PKN2: variants seen among roughly 807,000 people sequenced by gnomAD.
PKN2 encodes the protein protein kinase N2, also known as serine/threonine-protein kinase N2.
Under a neutral mutation model 119.1 loss-of-function variants are expected in PKN2, and 38 were observed. That is an observed-to-expected ratio of 0.32 (90% CI 0.25 to 0.42). PKN2 has a LOEUF of 0.42. PKN2 is among the 10% of genes least tolerant of loss of function. PKN2 has a pLI of 1.00. For synonymous variants in PKN2, 390 were observed against 384.9 expected, an observed-to-expected ratio of 1.01 and a Z score of -0.15; for missense variants, 850 against 1,165.1, an observed-to-expected ratio of 0.73 and a Z score of 3.94.
intron 8 of PKN2, among the ~76,000 whole-genome samples, chr1:88,803,528 T>C (rs1024990828): frequency 2.0e-5 from 3 of 152,198 alleles, no homozygotes; most frequent in Non-Finnish European, 2.9e-5. Context: ...AAAATGTATA[T>C]ACGTTAAAAC....
At chr1:88,769,202 CT>C (rs1468191380) in intron 3 of PKN2, among the ~76,000 whole-genome samples, 1 of 151,978 alleles carries the variant, frequency 6.6e-6, no homozygotes, top group African/African-American at 2.4e-5. Context: ...TAATTCAGAG[CT>C]TTTTTTTGAA....
intron 18 of PKN2, among the ~76,000 whole-genome samples, chr1:88,824,809 GTAAA>G (rs1352844894): frequency 1.3e-5 from 2 of 152,194 alleles, no homozygotes; most frequent in African/African-American, 2.4e-5. Flanking sequence ...ATATTCAAAA[GTAAA>G]TAAGTAAATT....
intron 8 of PKN2, among the ~76,000 whole-genome samples, chr1:88,797,882 A>C (rs932579748): frequency 2.0e-5 from 3 of 152,136 alleles, no homozygotes; most frequent in Non-Finnish European, 4.4e-5. Context: ...TAATCCCAGC[A>C]CTTTGGGAGG....
chr1:88,782,517 T>A (rs1032943570), intron 6 of PKN2, among the ~76,000 whole-genome samples: 1 of 152,166 alleles, frequency 6.6e-6, no homozygotes, highest in African/African-American at 2.4e-5. Context: ...TATTCTCAAG[T>A]CTTTCTTTAG....
At position 88,833,025 on chromosome 1, in the gene PKN2, GA is replaced by G. The variant is rs2100940059; in HGVS notation, c.2671-50del. On this transcript the variant is annotated intron_variant, in intron 20 of 21. Transcript: ENST00000370521. ...TTTTAAAGTAATAATCCTTATCAGT[GA>G]ATTTTATTCTATTGGTTTTATTTTA... The G allele has an allele frequency of 1.4e-5, 21 of 1,480,218 alleles. No homozygotes were observed. In the South Asian group the frequency reaches 2.5e-4, roughly 18 times the overall value. The allele number at this position is 1,480,218 out of a possible 1,614,324, so 91.7% of individuals were successfully genotyped here. A position where few individuals can be genotyped will look rare whatever the true frequency, so the allele number is the denominator to read the frequency against.
chr1:88,756,489 A>G (rs1251128289), intron 2 of PKN2, among the ~76,000 whole-genome samples: 3 of 152,194 alleles, frequency 2.0e-5, no homozygotes, highest in Non-Finnish European at 2.9e-5. Context: ...GGAATCATTT[A>G]TCCTTCTCAT....
intron 4 of PKN2, among the ~76,000 whole-genome samples, chr1:88,770,842 C>T (rs971770335): frequency 6.6e-6 from 1 of 151,230 alleles, no homozygotes; most frequent in Non-Finnish European, 1.5e-5. Context: ...GCCTCGGCCC[C>T]CCAAAGTGCT....
intron 3 of PKN2, among the ~76,000 whole-genome samples, chr1:88,764,625 T>C (rs1215366991): frequency 6.6e-6 from 1 of 152,052 alleles, no homozygotes; most frequent in Non-Finnish European, 1.5e-5. Context: ...CTCTGGCCCA[T>C]AATTTACACA....
At chr1:88,793,908 G>T (rs1263348986) in intron 8 of PKN2, among the ~76,000 whole-genome samples, 2 of 152,078 alleles carry the variant, frequency 1.3e-5, no homozygotes, top group Admixed American at 1.3e-4. Flanking sequence ...AGTCGTGGTT[G>T]GTTTAATCCA....
intron 16 of PKN2, among the ~76,000 whole-genome samples, chr1:88,818,679 A>G (rs1464415100): frequency 1.3e-5 from 2 of 151,826 alleles, no homozygotes; most frequent in East Asian, 3.9e-4. Context: ...AGAAGAAACT[A>G]CTTTAAATTT....
At chr1:88,807,477 G>A (rs760977865) in intron 13 of PKN2, 34 bp downstream of exon 13, 138 of 1,604,772 alleles carry the variant, frequency 8.6e-5, no homozygotes, top group Non-Finnish European at 1.2e-4. Flanking sequence ...GCGACTACAT[G>A]TTTGGTACCA....
At chr1:88,779,240 G>C (rs1319874085) in intron 6 of PKN2, among the ~76,000 whole-genome samples, 1 of 152,088 alleles carries the variant, frequency 6.6e-6, no homozygotes, top group African/African-American at 2.4e-5. Flanking sequence ...AGAGCTCTCC[G>C]GAGTGTCCCT....
At chr1:88,736,310 T>C (rs1668347020) in intron 1 of PKN2, among the ~76,000 whole-genome samples, 1 of 152,214 alleles carries the variant, frequency 6.6e-6, no homozygotes, top group Non-Finnish European at 1.5e-5. Context: ...GGTTGTTTCC[T>C]GGTGCCTTAT....
chr1:88,778,432 G>T (rs1401576754), intron 6 of PKN2, among the ~76,000 whole-genome samples: 1 of 152,234 alleles, frequency 6.6e-6, no homozygotes, highest in Non-Finnish European at 1.5e-5. Flanking sequence ...CAGAGCTTGA[G>T]AGTCAACCAT....
chr1:88,741,068 G>C lies in PKN2; in HGVS notation c.129G>C (p.Gln43His). The C allele has an allele frequency of 6.2e-7, 1 of 1,608,652 alleles. No individual in the cohort carries two copies. Among genetic ancestry groups the C allele is most frequent in the Non-Finnish European group, 8.5e-7 (1 of 1,177,974 alleles). The change falls in exon 2 of 22, where the codon CAG (glutamine) becomes CAC (histidine). Residue 43 changes from glutamine (Q) to histidine (H), a missense_variant. Coordinates refer to ENST00000370521, the MANE Select transcript of PKN2 (RefSeq NM_006256.4). ...ACTTTTCAGATACAATGGTGCAGCA[G>C]AAATTGGATGATATCAAGGATCGAA... ...KLDFSDTMVQ[Q>H]KLDDIKDRIK...
chr1:88,775,378 G>A (rs575151626), intron 6 of PKN2, among the ~76,000 whole-genome samples: 1 of 152,176 alleles, frequency 6.6e-6, no homozygotes, highest in Admixed American at 6.5e-5. Flanking sequence ...TTTTCACATT[G>A]GTTTCTTTCA....
chr1:88,805,724 T>C, intron 11 of PKN2, 53 bp downstream of exon 11: 5 of 1,603,594 alleles, frequency 3.1e-6, no homozygotes, highest in Non-Finnish European at 3.4e-6. Context: ...GGGACATTCT[T>C]ACGTACTGAT....
At chr1:88,719,778 C>A (rs1667595227) in intron 1 of PKN2, among the ~76,000 whole-genome samples, 1 of 152,092 alleles carries the variant, frequency 6.6e-6, no homozygotes, top group Admixed American at 6.6e-5. Flanking sequence ...TTTCAACATT[C>A]TTATTCTTAC....
chr1:88,729,923 T>C (rs965414530), intron 1 of PKN2, among the ~76,000 whole-genome samples: 2 of 152,134 alleles, frequency 1.3e-5, no homozygotes, highest in African/African-American at 4.8e-5. Context: ...AAGTCTTCTT[T>C]GGGAGGCCAA....
Sources: gnomAD v4.1 joint callset for allele counts (sites outside exome capture counted in the v4.1 genomes callset) on GRCh38, gnomAD v4.1.1 for gene constraint, MANE v1.5 for transcripts, NCBI Gene and HGNC (gene_info 2026-07-23, HGNC 2026-07-21) for gene names.